The following SORCS2 variants were observed in gnomAD, a reference collection of about 807,000 sequenced individuals.
The protein encoded by SORCS2 is sortilin related VPS10 domain containing receptor 2.
A neutral mutation model predicts 141.6 loss-of-function variants in SORCS2; 100 were observed. The observed-to-expected ratio is 0.71, with a 90% CI of 0.60 to 0.83. The LOEUF is 0.83. SORCS2 is among the 40% of genes least tolerant of loss of function. SORCS2 has a pLI of 0.00. For missense variants in SORCS2, 1,646 were observed against 1,560.2 expected (o/e 1.05, Z -0.93); for synonymous variants, 789 against 676.9 (o/e 1.17, Z -2.57).
At chr4:7,700,006 G>T (rs138661790) in intron 12 of SORCS2, among the ~76,000 whole-genome samples, 1 of 152,256 alleles carries the variant, frequency 6.6e-6, no homozygotes, top group East Asian at 1.9e-4. Context: ...GTGTCACACC[G>T]GCCTCCAAGC....
chr4:7,741,451 T>TG lies in SORCS2; in HGVS notation c.*1194dup, dbSNP rs140001790. The stretch of plus-strand genomic sequence containing the variant: ...GTAAGTCTATAGGAATATAGGGGGG[T>TG]GGGGGGGTCACCTTTTGCCTTGAAA... On this transcript the variant is annotated 3_prime_UTR_variant, in exon 27 of 27. Coordinates refer to ENST00000507866, the MANE Select transcript of SORCS2 (RefSeq NM_020777.3). 52,955 of 102,502 alleles carry TG rather than the reference T, an allele frequency of 0.52. 9,742 individuals are homozygous for TG. Among genetic ancestry groups the TG allele is most frequent in the East Asian group, 0.54 (1,728 of 3,208 alleles). The allele number at this position is 102,502 out of a possible 1,614,324, so 6.3% of individuals were successfully genotyped here.
At chr4:7,525,905 CTGCAG>C (rs1733660355) in intron 2 of SORCS2, among the ~76,000 whole-genome samples, 2 of 138,156 alleles carry the variant, frequency 1.4e-5, no homozygotes, top group Non-Finnish European at 1.5e-5. Flanking sequence ...CTGTCTCCTC[CTGCAG>C]TCACCTGTCC....
chr4:7,273,661 G>T (rs1044826232), intron 1 of SORCS2, among the ~76,000 whole-genome samples: 1 of 152,234 alleles, frequency 6.6e-6, no homozygotes, highest in Admixed American at 6.5e-5. Context: ...AGGGATTTCT[G>T]GGAGGCATGC....
At chr4:7,259,048 T>G (rs910484855) in intron 1 of SORCS2, among the ~76,000 whole-genome samples, 8 of 152,230 alleles carry the variant, frequency 5.3e-5, no homozygotes, top group Non-Finnish European at 1.0e-4. Context: ...ATGGATAGAT[T>G]GCAAAAATTT....
Position 7,353,484 on chromosome 4 carries a change from G to C in SORCS2, c.481-42804G>C, listed in dbSNP as rs940310867. On this transcript the variant is annotated intron_variant, in intron 1 of 26. Coordinates refer to ENST00000507866, the MANE Select transcript of SORCS2 (RefSeq NM_020777.3). Reference sequence around the variant, plus strand: ...GTGTGAAGGGTCTGCAGGGCCTGGTGGTGGGGCTCTGTGATGACAGTCCAT... The same window carrying C: ...GTGTGAAGGGTCTGCAGGGCCTGGTCGTGGGGCTCTGTGATGACAGTCCAT... Among the ~76,000 whole-genome samples the C allele has an allele frequency of 3.3e-5, 5 of 152,236 alleles. No homozygotes were observed. In the East Asian group the frequency reaches 5.8e-4, roughly 18 times the overall value.
chr4:7,719,498 A>G (rs982095181), intron 18 of SORCS2, among the ~76,000 whole-genome samples: 68 of 152,188 alleles, frequency 4.5e-4, no homozygotes, highest in African/African-American at 1.6e-3. Flanking sequence ...CCTAGACTCT[A>G]CGTGGACAGA....
At chr4:7,452,137 A>G (rs1728500573) in intron 2 of SORCS2, among the ~76,000 whole-genome samples, 1 of 151,318 alleles carries the variant, frequency 6.6e-6, no homozygotes, top group East Asian at 1.9e-4. Context: ...TCCAGATGGA[A>G]GGCTCTTCTT....
chr4:7,230,519 G>GACACCCAGTGC (rs1711781979), intron 1 of SORCS2, among the ~76,000 whole-genome samples: 1 of 143,228 alleles, frequency 7.0e-6, no homozygotes, highest in African/African-American at 2.6e-5. Context: ...AGGAGATGAA[G>GACACCCAGTGC]ATGGTCAAGT....
At chr4:7,610,138 G>T (rs146224136) in intron 3 of SORCS2, among the ~76,000 whole-genome samples, 4 of 152,240 alleles carry the variant, frequency 2.6e-5, no homozygotes, top group Non-Finnish European at 4.4e-5. Flanking sequence ...GAATTGGGGG[G>T]AAATCTTATC....
intron 1 of SORCS2, among the ~76,000 whole-genome samples, chr4:7,343,427 C>G (rs964139099): frequency 6.6e-6 from 1 of 152,236 alleles, no homozygotes; most frequent in Non-Finnish European, 1.5e-5. Flanking sequence ...GCGTCCCTGT[C>G]CCCACACTGG....
intron 1 of SORCS2, among the ~76,000 whole-genome samples, chr4:7,314,811 T>G (rs1258124849): frequency 3.8e-5 from 3 of 78,182 alleles, no homozygotes; most frequent in African/African-American, 4.1e-5. Flanking sequence ...TTTTTTTTTT[T>G]TTTTTTTTTT....
chr4:7,386,563 C>T (rs953943588), intron 1 of SORCS2, among the ~76,000 whole-genome samples: 2 of 131,374 alleles, frequency 1.5e-5, no homozygotes, highest in African/African-American at 5.8e-5. Context: ...TACACACGCA[C>T]ATGCACACAC....
At chr4:7,455,307 G>A (rs1376307623) in intron 2 of SORCS2, among the ~76,000 whole-genome samples, 2 of 58,822 alleles carry the variant, frequency 3.4e-5, no homozygotes, top group African/African-American at 1.5e-4. Flanking sequence ...CAGGCACTGT[G>A]TTGGGGTCAG....
intron 1 of SORCS2, among the ~76,000 whole-genome samples, chr4:7,320,180 T>C (rs1019436091): frequency 6.6e-6 from 1 of 152,208 alleles, no homozygotes; most frequent in Non-Finnish European, 1.5e-5. Flanking sequence ...TACGGAAATA[T>C]ATGCATCACT....
At chr4:7,713,219 G>A (rs890792084) in intron 15 of SORCS2, among the ~76,000 whole-genome samples, 1 of 152,172 alleles carries the variant, frequency 6.6e-6, no homozygotes, top group Non-Finnish European at 1.5e-5. Flanking sequence ...GTGGAGTGGG[G>A]TCTGGGGCAA....
intron 1 of SORCS2, among the ~76,000 whole-genome samples, chr4:7,308,546 C>G (rs751967282): frequency 3.3e-5 from 5 of 152,140 alleles, no homozygotes; most frequent in Admixed American, 3.3e-4. Flanking sequence ...ACACTGAGCA[C>G]TGGTGGGTTT....
intron 2 of SORCS2, among the ~76,000 whole-genome samples, chr4:7,502,526 C>G (rs1198488754): frequency 1.3e-5 from 2 of 152,216 alleles, no homozygotes; most frequent in Non-Finnish European, 2.9e-5. Context: ...GTGGACATGG[C>G]TGGTCTGACT....
chr4:7,574,427 G>A (rs1441765085), intron 3 of SORCS2, among the ~76,000 whole-genome samples: 1 of 152,200 alleles, frequency 6.6e-6, no homozygotes, highest in Admixed American at 6.5e-5. Flanking sequence ...GAGTGATGAC[G>A]TGTTCTTCCA....
Position 7,442,902 on chromosome 4 carries a change from G to A in SORCS2, c.548+46547G>A, listed in dbSNP as rs139294251. 2.5e-3 allele frequency among the ~76,000 whole-genome samples: 376 copies of A among 152,188 alleles called. 2 individuals carry two copies. Among genetic ancestry groups the A allele is most frequent in the African/African-American group, 8.5e-3 (354 of 41,544 alleles). ...CCAAAATCAGAGTGTTGGCGGGGCC[G>A]TGCTCCCTCCGAAGGCTGCGGGGAG... is the stretch of plus-strand genomic sequence containing the variant. On this transcript the variant is annotated intron_variant, in intron 2 of 26. Coordinates refer to ENST00000507866, the MANE Select transcript of SORCS2 (RefSeq NM_020777.3).
Sources: gnomAD v4.1 joint callset for allele counts (sites outside exome capture counted in the v4.1 genomes callset) on GRCh38, gnomAD v4.1.1 for gene constraint, MANE v1.5 for transcripts, NCBI Gene and HGNC (gene_info 2026-07-23, HGNC 2026-07-21) for gene names.